The following KDM4C variants were observed in gnomAD, a reference collection of about 807,000 sequenced individuals.
KDM4C encodes the protein lysine demethylase 4C.
A neutral mutation model predicts 129.3 loss-of-function variants in KDM4C; 81 were observed. That is an observed-to-expected ratio of 0.63 (90% confidence interval 0.52 to 0.75). KDM4C has a LOEUF of 0.75. Ranked by LOEUF, KDM4C falls within the 30% of genes least tolerant of loss-of-function variation. The pLI is 0.00. For synonymous variants in KDM4C, 573 were observed against 456.1 expected (o/e 1.26, Z -3.26); for missense variants, 1,457 against 1,304.0 (o/e 1.12, Z -1.81).
At chr9:7,123,787 C>T (rs1467260105) in intron 18 of KDM4C, among the ~76,000 whole-genome samples, 2 of 152,138 alleles carry the variant, frequency 1.3e-5, no homozygotes, top group South Asian at 2.1e-4. Context: ...AGCCATGTGC[C>T]TGAATTTGAC....
chr9:6,887,821 T>C, intron 6 of KDM4C, 139 bp from the exon 7 acceptor site: 2 of 569,892 alleles, frequency 3.5e-6, no homozygotes, highest in Non-Finnish European at 6.4e-6. Context: ...TGAGTTTTAG[T>C]ACAAGGGCTT....
At chr9:6,838,568 C>T (rs1013067589) in intron 4 of KDM4C, among the ~76,000 whole-genome samples, 1 of 152,008 alleles carries the variant, frequency 6.6e-6, no homozygotes, top group South Asian at 2.1e-4. Context: ...CCTTTTTGTA[C>T]TCATATTTGC....
chr9:6,777,106 A>G (rs570227948), intron 1 of KDM4C, among the ~76,000 whole-genome samples: 44 of 151,914 alleles, frequency 2.9e-4, no homozygotes, highest in African/African-American at 9.7e-4. Context: ...ATTTTCACTT[A>G]CTCTGTAGTC....
At chr9:6,921,981 T>C (rs974103283) in intron 8 of KDM4C, among the ~76,000 whole-genome samples, 3 of 152,212 alleles carry the variant, frequency 2.0e-5, no homozygotes, top group African/African-American at 7.2e-5. Context: ...CTCACTGATA[T>C]CATTTCTCAA....
At chr9:6,813,961 A>G (rs1831621957) in intron 3 of KDM4C, among the ~76,000 whole-genome samples, 1 of 152,144 alleles carries the variant, frequency 6.6e-6, no homozygotes, top group Non-Finnish European at 1.5e-5. Flanking sequence ...TTGTATTTTC[A>G]ATTAATGCTG....
At chr9:6,954,064 A>G (rs1409515070) in intron 8 of KDM4C, among the ~76,000 whole-genome samples, 1 of 152,190 alleles carries the variant, frequency 6.6e-6, no homozygotes, top group Admixed American at 6.5e-5. Flanking sequence ...CACTGCATTC[A>G]TGGATACTTC....
intron 8 of KDM4C, among the ~76,000 whole-genome samples, chr9:6,922,416 G>T (rs1193876844): frequency 6.6e-6 from 1 of 152,146 alleles, no homozygotes; most frequent in Admixed American, 6.5e-5. Context: ...CCCATTAAAA[G>T]AAGTAGAATT....
intron 9 of KDM4C, among the ~76,000 whole-genome samples, chr9:6,983,606 A>G (rs974327355): frequency 1.7e-5 from 2 of 118,640 alleles, no homozygotes; most frequent in Admixed American, 1.8e-4. Context: ...ACACACACAC[A>G]CACACACCAG....
chr9:7,004,836 A>G (rs1298002551), intron 12 of KDM4C, among the ~76,000 whole-genome samples: 1 of 152,216 alleles, frequency 6.6e-6, no homozygotes, highest in Non-Finnish European at 1.5e-5. Context: ...TTAAGCATAC[A>G]TTTACAGCAT....
At chr9:7,076,850 C>T in intron 17 of KDM4C, 1 of 1,004,202 alleles carries the variant, frequency 1.0e-6, no homozygotes, top group Non-Finnish European at 1.2e-6. Context: ...CAAAAGCTTT[C>T]CAAGGTGCAT....
At chr9:7,143,505 C>T (rs922508757) in intron 19 of KDM4C, among the ~76,000 whole-genome samples, 1 of 152,164 alleles carries the variant, frequency 6.6e-6, no homozygotes, top group Non-Finnish European at 1.5e-5. Context: ...TCCACAGTTG[C>T]GTGCATCAGT....
chr9:6,785,283 T>A (rs1379537648), intron 1 of KDM4C, among the ~76,000 whole-genome samples: 1 of 151,748 alleles, frequency 6.6e-6, no homozygotes, highest in African/African-American at 2.4e-5. Context: ...ATGACTCTAG[T>A]CCCTGCCTCC....
At chr9:7,057,243 T>A (rs548330733) in intron 17 of KDM4C, among the ~76,000 whole-genome samples, 1 of 152,352 alleles carries the variant, frequency 6.6e-6, no homozygotes, top group Non-Finnish European at 1.5e-5. Flanking sequence ...CTGTGGTATA[T>A]TTTAGGTGTG....
intron 4 of KDM4C, among the ~76,000 whole-genome samples, chr9:6,821,070 A>G (rs1033597557): frequency 1.3e-5 from 2 of 152,120 alleles, no homozygotes; most frequent in Admixed American, 1.3e-4. Flanking sequence ...TTATGGCTAC[A>G]TAGTATTCCA....
intron 17 of KDM4C, among the ~76,000 whole-genome samples, chr9:7,079,065 C>T (rs963414164): frequency 2.6e-5 from 4 of 152,172 alleles, no homozygotes; most frequent in African/African-American, 9.7e-5. Context: ...ATTGTTAGTA[C>T]ATTTTTGGTA....
chr9:7,169,751 C>T (rs1294963036), intron 20 of KDM4C, 47 bp from the exon 21 acceptor site: 12 of 1,443,030 alleles, frequency 8.3e-6, no homozygotes, highest in Non-Finnish European at 1.1e-5. Context: ...TAAAAATGGT[C>T]AGTGCTGTTT....
intron 8 of KDM4C, among the ~76,000 whole-genome samples, chr9:6,928,128 C>G (rs1822972238): frequency 6.6e-6 from 1 of 152,212 alleles, no homozygotes; most frequent in Admixed American, 6.5e-5. Flanking sequence ...TAGGCCAAAA[C>G]CAGGAGTCAG....
chr9:7,057,032 C>T (rs1381821326), intron 17 of KDM4C, among the ~76,000 whole-genome samples: 2 of 152,106 alleles, frequency 1.3e-5, no homozygotes, highest in Non-Finnish European at 1.5e-5. Flanking sequence ...TGGAAAGGTA[C>T]GGTCATTATT....
chr9:7,170,125 T>G (rs1196949908), intron 21 of KDM4C: 18 of 1,397,238 alleles, frequency 1.3e-5, no homozygotes, highest in Non-Finnish European at 1.7e-5. Flanking sequence ...GATGCTTCTT[T>G]GTGTTGACAT....
Sources: allele counts gnomAD v4.1 joint callset (sites outside exome capture counted in the v4.1 genomes callset), GRCh38; gene constraint gnomAD v4.1.1; transcripts MANE v1.5; gene names NCBI Gene and HGNC (gene_info 2026-07-23, HGNC 2026-07-21).